Variants in RAPGEF5 observed in about 807,000 individuals in gnomAD.
The protein encoded by RAPGEF5 is M-Ras-regulated GEF.
RAPGEF5 carries 65 observed loss-of-function variants against 125.2 expected under a neutral mutation model. That is an observed-to-expected ratio of 0.52 (90% CI 0.43 to 0.64). RAPGEF5 has a LOEUF of 0.64. RAPGEF5 is among the 30% of genes least tolerant of loss of function. The pLI, the probability that RAPGEF5 is intolerant of heterozygous loss-of-function variation, is 0.00. For missense variants in RAPGEF5, 958 were observed against 1,048.1 expected (o/e 0.91, Z 1.19); for synonymous variants, 391 against 385.9 (o/e 1.01, Z -0.16).
chr7:22,135,894 C>A (rs566000036), intron 23 of RAPGEF5, 144 bp downstream of exon 23: 5 of 605,654 alleles, frequency 8.3e-6, no homozygotes, highest in African/African-American at 1.9e-5. Context: ...ATTTGAAAAA[C>A]AATCACAAGG....
At chr7:22,149,828 G>T (rs946246024) in intron 18 of RAPGEF5, among the ~76,000 whole-genome samples, 3 of 152,040 alleles carry the variant, frequency 2.0e-5, no homozygotes, top group Non-Finnish European at 4.4e-5. Flanking sequence ...ATTAAAATTC[G>T]ATGGGAGAAG....
At chr7:22,194,703 G>A in intron 9 of RAPGEF5, 1 of 985,392 alleles carries the variant, frequency 1.0e-6, no homozygotes, top group Non-Finnish European at 1.2e-6. Flanking sequence ...GGATGCCATG[G>A]ATGACTGCAC....
chr7:22,162,569 T>G (rs1334285260), intron 12 of RAPGEF5, 28 bp from the exon 13 acceptor site: 1 of 1,575,326 alleles, frequency 6.3e-7, no homozygotes, highest in Non-Finnish European at 8.7e-7. Flanking sequence ...AAAATTATAT[T>G]GTTGAAAATT....
intron 9 of RAPGEF5, among the ~76,000 whole-genome samples, chr7:22,197,028 A>G (rs1418337861): frequency 4.6e-5 from 7 of 152,188 alleles, no homozygotes; most frequent in African/African-American, 1.4e-4. Context: ...GGGGGAACCT[A>G]CGTACAGAGA....
chr7:22,201,266 C>T (rs1785270559), intron 9 of RAPGEF5, among the ~76,000 whole-genome samples: 1 of 152,226 alleles, frequency 6.6e-6, no homozygotes, highest in Non-Finnish European at 1.5e-5. Context: ...TCTCTCCTTC[C>T]ACCCTCTGAT....
intron 3 of RAPGEF5, among the ~76,000 whole-genome samples, chr7:22,314,156 T>G (rs747599919): frequency 6.6e-6 from 1 of 152,232 alleles, no homozygotes; most frequent in Non-Finnish European, 1.5e-5. Context: ...ACTATGGATT[T>G]GCTCAATTAA....
At chr7:22,338,028 A>G (rs1352648995) in intron 1 of RAPGEF5, among the ~76,000 whole-genome samples, 1 of 152,248 alleles carries the variant, frequency 6.6e-6, no homozygotes, top group Non-Finnish European at 1.5e-5. Context: ...TTTTGAGATC[A>G]AAGAACTGTC....
intron 9 of RAPGEF5, among the ~76,000 whole-genome samples, chr7:22,204,440 A>G (rs1785351697): frequency 6.6e-6 from 1 of 152,200 alleles, no homozygotes; most frequent in African/African-American, 2.4e-5. Context: ...GCATGTGTGT[A>G]CGTGAGGAAA....
intron 3 of RAPGEF5, among the ~76,000 whole-genome samples, chr7:22,313,194 G>T (rs929272096): frequency 6.6e-6 from 1 of 152,154 alleles, no homozygotes; most frequent in African/African-American, 2.4e-5. Context: ...GCATCCTCCT[G>T]TCTCTAGTTA....
intron 11 of RAPGEF5, among the ~76,000 whole-genome samples, chr7:22,180,618 A>C (rs1294314481): frequency 1.3e-5 from 2 of 152,212 alleles, no homozygotes; most frequent in Admixed American, 1.3e-4. Flanking sequence ...TTAAATCATC[A>C]TTAGAGCTTT....
intron 7 of RAPGEF5, among the ~76,000 whole-genome samples, chr7:22,238,379 C>G (rs1305999396): frequency 6.6e-6 from 1 of 152,074 alleles, no homozygotes; most frequent in Non-Finnish European, 1.5e-5. Flanking sequence ...TGTTTATTTT[C>G]TGACACTCAT....
At chr7:22,350,321 T>C (rs1784307826) in intron 1 of RAPGEF5, among the ~76,000 whole-genome samples, 1 of 152,220 alleles carries the variant, frequency 6.6e-6, no homozygotes, top group Admixed American at 6.5e-5. Context: ...AGACGCTACC[T>C]AAAATACTCA....
intron 19 of RAPGEF5, 150 bp from the exon 20 acceptor site, chr7:22,145,372 T>G: frequency 1.4e-6 from 1 of 699,332 alleles, no homozygotes; most frequent in Non-Finnish European, 2.2e-6. Context: ...TACATTAAAT[T>G]CAAAATGAGT....
At chr7:22,328,320 G>A (rs1015031757) in intron 1 of RAPGEF5, among the ~76,000 whole-genome samples, 1 of 152,242 alleles carries the variant, frequency 6.6e-6, no homozygotes, top group Non-Finnish European at 1.5e-5. Flanking sequence ...TCACCGGCTT[G>A]AGCCGTGAGG....
chr7:22,138,440 CT>C (rs1478181176), intron 21 of RAPGEF5, among the ~76,000 whole-genome samples: 1 of 152,212 alleles, frequency 6.6e-6, no homozygotes, highest in Non-Finnish European at 1.5e-5. Context: ...GACCTCTGAT[CT>C]GTTTCTTTTC....
At chr7:22,171,469 T>C (rs1784347847) in intron 11 of RAPGEF5, among the ~76,000 whole-genome samples, 2 of 152,366 alleles carry the variant, frequency 1.3e-5, no homozygotes, top group Admixed American at 6.5e-5. Context: ...TTAATATGCA[T>C]ATGTTAATAC....
chr7:22,187,824 G>A (rs1032891453), intron 11 of RAPGEF5, among the ~76,000 whole-genome samples: 3 of 152,194 alleles, frequency 2.0e-5, no homozygotes, highest in African/African-American at 7.2e-5. Context: ...CCTAGAATTG[G>A]TCTTTCAAAA....
intron 7 of RAPGEF5, among the ~76,000 whole-genome samples, chr7:22,255,260 A>C (rs1786730143): frequency 6.6e-6 from 1 of 152,326 alleles, no homozygotes; most frequent in East Asian, 1.9e-4. Flanking sequence ...TATCCGTTCT[A>C]GCCTCTTAAA....
rs994196898 is a variant in RAPGEF5 at position 22,262,914 on chromosome 7, G to A, written c.796+4050C>T. 3.3e-5 allele frequency among the ~76,000 whole-genome samples: 5 copies of A among 152,128 alleles called. No individual in the cohort carries two copies. The East Asian group carries it at 9.6e-4, about 29-fold the overall frequency. On this transcript the variant is annotated intron_variant, in intron 7 of 25. Coordinates refer to ENST00000665637, the MANE Select transcript of RAPGEF5 (RefSeq NM_012294.5). ...TCCTTGGTCAAGGCTGTAGTGAGCC[G>A]GTATCGTGCCACTGCACTGCAGCCT...
Sources: allele counts gnomAD v4.1 joint callset (sites outside exome capture counted in the v4.1 genomes callset), GRCh38; gene constraint gnomAD v4.1.1; transcripts MANE v1.5; gene names NCBI Gene and HGNC (gene_info 2026-07-23, HGNC 2026-07-21).